Variants in ANKRD31 observed in about 807,000 individuals in gnomAD.
ANKRD31 encodes ankyrin repeat domain-containing protein 31.
Under a neutral mutation model 186.0 loss-of-function variants are expected in ANKRD31, and 147 were observed. The observed-to-expected ratio is 0.79, with a 90% CI of 0.69 to 0.91. ANKRD31 has a LOEUF of 0.91. ANKRD31 is among the 40% of genes least tolerant of loss of function. ANKRD31 has a pLI of 0.00. For missense variants in ANKRD31, 1,986 were observed against 2,148.8 expected (o/e 0.92, Z 1.50); for synonymous variants, 673 against 736.4 (o/e 0.91, Z 1.39).
chr5:75,074,852 T>G (rs1007494715), intron 25 of ANKRD31, among the ~76,000 whole-genome samples: 1 of 152,214 alleles, frequency 6.6e-6, no homozygotes, highest in African/African-American at 2.4e-5. Flanking sequence ...TTGAATCATT[T>G]CAGGAAAATA....
rs140139445 is a variant in ANKRD31 at position 75,119,752 on chromosome 5, A to G, written c.3877-1455T>C. Reference sequence around the variant, plus strand: ...CTCTTTTCTTCACAACCTTACCAGCATCTGTTATTTTCTGACCTTTAAATA... The same window carrying G: ...CTCTTTTCTTCACAACCTTACCAGCGTCTGTTATTTTCTGACCTTTAAATA... On this transcript the variant is annotated intron_variant, in intron 17 of 25. Coordinates refer to ENST00000506364, the MANE Select transcript of ANKRD31 (RefSeq NM_001372053.1). 1.5e-3 allele frequency among the ~76,000 whole-genome samples: 223 copies of G among 152,308 alleles called. 1 individual carries two copies. The highest frequency in any genetic ancestry group is 3.4e-3 in the Middle Eastern group (1 of 294).
intron 25 of ANKRD31, among the ~76,000 whole-genome samples, chr5:75,072,428 A>AT (rs1744310607): frequency 6.6e-6 from 1 of 152,010 alleles, no homozygotes; most frequent in African/African-American, 2.4e-5. Flanking sequence ...ATTCATAGCT[A>AT]TTTTGGACCA....
intron 10 of ANKRD31, among the ~76,000 whole-genome samples, chr5:75,182,812 AAAGAT>A (rs1754424568): frequency 1.3e-5 from 2 of 152,162 alleles, no homozygotes; most frequent in African/African-American, 4.8e-5. Flanking sequence ...TGAATGCCTG[AAAGAT>A]AAGGTAAATA....
chr5:75,192,762 G>T lies in ANKRD31; in HGVS notation c.1313C>A (p.Ala438Asp), dbSNP rs1755200198. The change falls in exon 9 of 26, where the codon GCT becomes GAT. Residue 438 changes from alanine to aspartate, a missense_variant. Ala to Asp is a moderately radical substitution (Grantham distance 126). Transcript: ENST00000506364. ...CTTCTCTTTACCATCAATCATTAAAGCCGGATCCTGCATTCTTGAAAAACA... is the reference window on the plus strand; with the variant it reads ...CTTCTCTTTACCATCAATCATTAAATCCGGATCCTGCATTCTTGAAAAACA... ...SAQNFRMQDPALMIDGKEKNM... is the reference protein window; with the variant it reads ...SAQNFRMQDPDLMIDGKEKNM... 1 of 1,532,382 alleles carries T rather than the reference G, an allele frequency of 6.5e-7. No individual in the cohort carries two copies. Among genetic ancestry groups the T allele is most frequent in the African/African-American group, 1.4e-5 (1 of 72,746 alleles). 94.9% of individuals were successfully genotyped at this position (1,532,382 alleles called of 1,614,324 possible). A position where few individuals can be genotyped will look rare whatever the true frequency, so the allele number is the denominator to read the frequency against.
chr5:75,211,913 C>T (rs757109716), intron 3 of ANKRD31, among the ~76,000 whole-genome samples: 18 of 151,934 alleles, frequency 1.2e-4, no homozygotes, highest in Non-Finnish European at 2.5e-4. Flanking sequence ...AATATTTTCT[C>T]CCATTCCATA....
intron 3 of ANKRD31, among the ~76,000 whole-genome samples, chr5:75,213,744 T>A (rs1756793632): frequency 6.6e-6 from 1 of 152,154 alleles, no homozygotes; most frequent in Non-Finnish European, 1.5e-5. Flanking sequence ...GTAAGAGAGG[T>A]TAATTGTGTT....
chr5:75,132,343 AC>A (rs1749930847), intron 17 of ANKRD31, among the ~76,000 whole-genome samples: 1 of 152,340 alleles, frequency 6.6e-6, no homozygotes, highest in African/African-American at 2.4e-5. Context: ...GGAGCTGAAA[AC>A]CATGGCACGA....
chr5:75,155,258 A>G (rs545269603), intron 11 of ANKRD31, among the ~76,000 whole-genome samples: 1 of 151,572 alleles, frequency 6.6e-6, no homozygotes, highest in East Asian at 1.9e-4. Flanking sequence ...GTCTAGTCCA[A>G]TAGGTATGTA....
Position 75,093,202 on chromosome 5 carries a change from C to T in ANKRD31, c.5332-1801G>A, listed in dbSNP as rs151212340. On this transcript the variant is annotated intron_variant, in intron 22 of 25. Transcript: ENST00000506364. ...ATGCCTAAAAACTTCCCAAACTGGC[C>T]GGGCACGGTGGCTCACACCTGCAAT... Among the ~76,000 whole-genome samples, 706 of 152,148 alleles carry T rather than the reference C, an allele frequency of 4.6e-3. 18 individuals are homozygous for T. The highest frequency in any genetic ancestry group is 0.029 in the Admixed American group (447 of 15,282).
chr5:75,136,480 G>A (rs1433572881), intron 17 of ANKRD31, among the ~76,000 whole-genome samples: 1 of 152,194 alleles, frequency 6.6e-6, no homozygotes, highest in Non-Finnish European at 1.5e-5. Flanking sequence ...TCTCACACCA[G>A]TTAAAATGGC....
At chr5:75,182,249 G>A (rs1006979209) in intron 10 of ANKRD31, among the ~76,000 whole-genome samples, 1 of 152,104 alleles carries the variant, frequency 6.6e-6, no homozygotes, top group Non-Finnish European at 1.5e-5. Flanking sequence ...TTACCAATAT[G>A]TACATTGGTT....
In ANKRD31 at chr5:75,118,142, T is replaced by A; in HGVS notation, c.4032A>T (p.Ile1344=). ...ETVNRDESDA[I]VNEKIPAVRS... Reference sequence around the variant, plus strand: ...CAATATTGATATACATACCATTGACTATAGCATCACTCTCATCTCTATTAA... The same window carrying A: ...CAATATTGATATACATACCATTGACAATAGCATCACTCTCATCTCTATTAA... Residue 1344 remains isoleucine, a synonymous_variant, in exon 18 of 26, where the codon ATA becomes ATT. Coordinates refer to ENST00000506364, the MANE Select transcript of ANKRD31 (RefSeq NM_001372053.1). 2 of 1,472,474 alleles carry A rather than the reference T, an allele frequency of 1.4e-6. No individual in the cohort carries two copies. Among genetic ancestry groups the A allele is most frequent in the Non-Finnish European group, 1.8e-6 (2 of 1,123,238 alleles). 91.2% of individuals were successfully genotyped at this position (1,472,474 alleles called of 1,614,324 possible).
rs1246246916 is a variant in ANKRD31, at chr5:75,107,523, G to C, written c.4338C>G (p.Tyr1446Ter). The change falls in exon 21 of 26, where the codon TAC becomes TAG. Residue 1446 changes from tyrosine to a stop codon, truncating the protein, a stop_gained and splice_region_variant. Transcript: ENST00000506364. LOFTEE classifies it high-confidence loss of function. The stretch of plus-strand genomic sequence containing the variant: ...TTTTTTTTTCTTTTTCTACTCACCT[G>C]TATTTTTTAGCCAGATCATCCCTTT... ...KAERDDLAKKYRVSIESFKHG... is the reference protein window; with the variant it reads ...KAERDDLAKK The C allele has an allele frequency of 4.0e-6, 6 of 1,515,644 alleles. No homozygotes were observed. Among genetic ancestry groups the C allele is most frequent in the Non-Finnish European group, 5.3e-6 (6 of 1,134,756 alleles). The allele number at this position is 1,515,644 out of a possible 1,614,324, so 93.9% of individuals were successfully genotyped here. A position where few individuals can be genotyped will look rare whatever the true frequency, so the allele number is the denominator to read the frequency against.
At chr5:75,182,329 T>G (rs1754378217) in intron 10 of ANKRD31, among the ~76,000 whole-genome samples, 1 of 152,172 alleles carries the variant, frequency 6.6e-6, no homozygotes, top group African/African-American at 2.4e-5. Flanking sequence ...TCAAAAGTCG[T>G]TAACTTTGGA....
intron 11 of ANKRD31, among the ~76,000 whole-genome samples, chr5:75,163,606 A>T (rs999227428): frequency 6.6e-6 from 1 of 152,230 alleles, no homozygotes; most frequent in Admixed American, 6.5e-5. Flanking sequence ...GCATCATGTC[A>T]ACACTCAAAA....
chr5:75,089,110 A>G (rs899266949), intron 23 of ANKRD31, among the ~76,000 whole-genome samples: 1 of 152,196 alleles, frequency 6.6e-6, no homozygotes, highest in Non-Finnish European at 1.5e-5. Flanking sequence ...AGTGATTCCA[A>G]TGTGATCGAA....
At chr5:75,159,415 AG>A (rs1752425299) in intron 11 of ANKRD31, among the ~76,000 whole-genome samples, 1 of 152,162 alleles carries the variant, frequency 6.6e-6, no homozygotes, top group South Asian at 2.1e-4. Context: ...GATAAACAAA[AG>A]GGATATATAT....
chr5:75,175,185 C>T (rs531051439), intron 10 of ANKRD31, among the ~76,000 whole-genome samples: 1 of 152,280 alleles, frequency 6.6e-6, no homozygotes, highest in East Asian at 1.9e-4. Context: ...ACAATGAGAA[C>T]ACTTGAACAC....
intron 13 of ANKRD31, 41 bp from the exon 14 acceptor site, chr5:75,147,546 G>T: frequency 8.1e-7 from 1 of 1,229,882 alleles, no homozygotes; most frequent in Non-Finnish European, 1.1e-6. Flanking sequence ...ATTTTCAGCG[G>T]TAGTACTATA....
Sources: gnomAD v4.1 joint callset for allele counts (sites outside exome capture counted in the v4.1 genomes callset) on GRCh38, gnomAD v4.1.1 for gene constraint, MANE v1.5 for transcripts, NCBI Gene and HGNC (gene_info 2026-07-23, HGNC 2026-07-21) for gene names.